SCRN1: variants seen among roughly 807,000 people sequenced by gnomAD.
SCRN1 encodes secernin-1.
Under a neutral mutation model 43.3 loss-of-function variants are expected in SCRN1, and 19 were observed. That is an observed-to-expected ratio of 0.44 (90% CI 0.31 to 0.64). The LOEUF (loss-of-function observed/expected upper bound fraction) is 0.64, where lower values mean the gene tolerates loss of function less well. SCRN1 is among the 30% of genes least tolerant of loss of function. The pLI is 0.09. For synonymous variants in SCRN1, 183 were observed against 188.9 expected (o/e 0.97, Z 0.26); for missense variants, 447 against 524.1 (o/e 0.85, Z 1.44).
intron 6 of SCRN1, among the ~76,000 whole-genome samples, chr7:29,932,928 G>A (rs1257580833): frequency 6.6e-6 from 1 of 151,992 alleles, no homozygotes; most frequent in Non-Finnish European, 1.5e-5. Flanking sequence ...GCAGGCTGGA[G>A]TGCAGTGGCT....
At chr7:29,980,217 T>G (rs1788955150) in intron 1 of SCRN1, among the ~76,000 whole-genome samples, 1 of 152,126 alleles carries the variant, frequency 6.6e-6, no homozygotes, top group Non-Finnish European at 1.5e-5. Flanking sequence ...AGAACAGGGA[T>G]GTAATGATGA....
chr7:29,948,973 C>T (rs1048851971), intron 3 of SCRN1, among the ~76,000 whole-genome samples: 5 of 152,170 alleles, frequency 3.3e-5, no homozygotes, highest in African/African-American at 4.8e-5. Context: ...AGTTCTCATC[C>T]ATGTTGAGGC....
chr7:29,959,261 G>A (rs1463108228), intron 2 of SCRN1, among the ~76,000 whole-genome samples: 1 of 152,214 alleles, frequency 6.6e-6, no homozygotes, highest in Non-Finnish European at 1.5e-5. Flanking sequence ...TGTGAGATGA[G>A]TTGATGAGTC....
rs1420896744 is a variant in SCRN1, at chr7:29,955,375, C to T, written c.160-15G>A. 5 of 1,611,744 alleles carry T rather than the reference C, an allele frequency of 3.1e-6. No homozygotes were observed. Among genetic ancestry groups the T allele is most frequent in the Admixed American group, 1.7e-5 (1 of 59,632 alleles). Reference sequence around the variant, plus strand: ...ATGTAAGTGCACTGAAAAACAAACACAGGAAAGAAAGCGCCATCACCTGTC... The same window carrying T: ...ATGTAAGTGCACTGAAAAACAAACATAGGAAAGAAAGCGCCATCACCTGTC... On this transcript the variant is annotated splice_polypyrimidine_tract_variant and intron_variant, in intron 2 of 7. Transcript: ENST00000242059.
chr7:29,940,707 G>C lies in SCRN1; in HGVS notation c.714C>G (p.Gly238=), dbSNP rs1483452236. 5 of 1,605,126 alleles carry C rather than the reference G, an allele frequency of 3.1e-6. No individual in the cohort carries two copies. Among genetic ancestry groups the C allele is most frequent in the Non-Finnish European group, 4.2e-6 (5 of 1,177,676 alleles). ...CTTCTTGTTTTTCTAAGCTGTCTTT[G>C]CCAGCACCGCAGTCTAGATGATCCT... is the stretch of plus-strand genomic sequence containing the variant. The part of the protein sequence containing the change: ...PVEDHLDCGA[G]KDSLEKQEES... The change falls in exon 5 of 8, where the codon GGC becomes GGG. Residue 238 remains glycine, a synonymous_variant. Coordinates refer to ENST00000242059, the MANE Select transcript of SCRN1 (RefSeq NM_014766.5).
At chr7:29,944,347 C>T (rs56001096) in intron 3 of SCRN1, among the ~76,000 whole-genome samples, 168 bp from the exon 4 acceptor site, 9,017 of 152,188 alleles carry the variant, frequency 0.059, 347 homozygotes, top group African/African-American at 0.1. Context: ...TATCCCAGAA[C>T]ACACTTCTCA....
intron 7 of SCRN1, among the ~76,000 whole-genome samples, chr7:29,925,329 T>C (rs1287342756): frequency 4.6e-5 from 7 of 152,206 alleles, no homozygotes; most frequent in African/African-American, 1.4e-4. Context: ...TCTGGATTTA[T>C]TGCTTGGATT....
intron 3 of SCRN1, 151 bp from the exon 4 acceptor site, chr7:29,944,330 T>C (rs1787657590): frequency 5.9e-6 from 4 of 675,614 alleles, no homozygotes; most frequent in Non-Finnish European, 1.0e-5. Context: ...ACTGATTAAC[T>C]GCACTGTATC....
intron 1 of SCRN1, among the ~76,000 whole-genome samples, chr7:29,977,268 G>C (rs190841484): frequency 2.0e-5 from 3 of 152,294 alleles, no homozygotes; most frequent in African/African-American, 2.4e-5. Context: ...GCTTTATTGA[G>C]CAGACTGAAT....
chr7:29,960,109 G>A (rs1190051903), intron 2 of SCRN1, among the ~76,000 whole-genome samples: 1 of 151,926 alleles, frequency 6.6e-6, no homozygotes, highest in Admixed American at 6.6e-5. Flanking sequence ...CTTTCCTATT[G>A]TAAGAAATAA....
chr7:29,990,009 T>C, upstream of SCRN1: 2 of 1,439,568 alleles, frequency 1.4e-6, no homozygotes, highest in Non-Finnish European at 1.8e-6. Context: ...CCGCAGAAAG[T>C]GGCCCCCTCT....
intron 4 of SCRN1, among the ~76,000 whole-genome samples, chr7:29,942,209 T>C (rs1445509229): frequency 6.6e-6 from 1 of 152,246 alleles, no homozygotes; most frequent in Non-Finnish European, 1.5e-5. Context: ...ACTCTACAGA[T>C]ATTAGTTTCC....
At chr7:29,938,327 C>G (rs10281148) in intron 5 of SCRN1, among the ~76,000 whole-genome samples, 8,377 of 152,348 alleles carry the variant, frequency 0.055, 340 homozygotes, top group Middle Eastern at 0.078. Context: ...CCACCGCACC[C>G]ACTCAGCTTG....
chr7:29,971,709 A>C (rs1788670941), intron 1 of SCRN1, among the ~76,000 whole-genome samples: 1 of 152,184 alleles, frequency 6.6e-6, no homozygotes, highest in Non-Finnish European at 1.5e-5. Flanking sequence ...CTATTAAGCA[A>C]ACCAATCAAA....
intron 3 of SCRN1, among the ~76,000 whole-genome samples, chr7:29,944,860 C>T (rs1397573635): frequency 2.0e-5 from 3 of 152,024 alleles, no homozygotes; most frequent in Admixed American, 6.6e-5. Flanking sequence ...CTTACAAAAC[C>T]ACCCCTCTGT....
At chr7:29,951,199 G>A (rs114222256) in intron 3 of SCRN1, among the ~76,000 whole-genome samples, 1,979 of 152,310 alleles carry the variant, frequency 0.013, 37 homozygotes, top group African/African-American at 0.045. Context: ...TTTGCAGTAC[G>A]CCTGGTCCAG....
At chr7:29,932,511 G>A (rs1787189865) in intron 6 of SCRN1, among the ~76,000 whole-genome samples, 1 of 151,712 alleles carries the variant, frequency 6.6e-6, no homozygotes, top group Admixed American at 6.6e-5. Flanking sequence ...AATTAGCCGG[G>A]TGTGGTGGCA....
chr7:29,989,685 T>C lies in SCRN1; in HGVS notation c.-45A>G, dbSNP rs1017666959. On this transcript the variant is annotated 5_prime_UTR_variant, in exon 1 of 8. Transcript: ENST00000242059. ...GGCTCCGCTCTCCGCTCTGCGGTGC[T>C]GAGGCTGCGGCCGCCGAGGGTGCGG... 3.0e-5 allele frequency: 30 copies of C among 985,690 alleles called. No individual in the cohort carries two copies. The African/African-American group carries it at 4.4e-4, about 14-fold the overall frequency. 61.1% of individuals were successfully genotyped at this position (985,690 alleles called of 1,614,324 possible).
chr7:29,987,167 A>G (rs908247868), intron 1 of SCRN1, among the ~76,000 whole-genome samples: 1 of 152,190 alleles, frequency 6.6e-6, no homozygotes, highest in Non-Finnish European at 1.5e-5. Context: ...CCCTCTGCAC[A>G]TCACTGGCTG....
Sources: gnomAD v4.1 joint callset for allele counts (sites outside exome capture counted in the v4.1 genomes callset) on GRCh38, gnomAD v4.1.1 for gene constraint, MANE v1.5 for transcripts, NCBI Gene and HGNC (gene_info 2026-07-23, HGNC 2026-07-21) for gene names.